Variants in ZBTB4 observed in about 807,000 individuals in gnomAD.
The protein encoded by ZBTB4 is zinc finger and BTB domain containing 4.
In ZBTB4, 14 loss-of-function variants were observed where a neutral mutation model predicts 59.8. The ratio of observed to expected loss-of-function variants is 0.23; its 90% CI spans 0.15 to 0.37. The LOEUF is 0.37. ZBTB4 is among the 10% of genes least tolerant of loss of function. The pLI is 1.00. For missense variants in ZBTB4, 1,198 were observed against 1,380.8 expected (o/e 0.87, Z 2.10); for synonymous variants, 587 against 575.2 (o/e 1.02, Z -0.29).
rs1055382964 is a variant in ZBTB4 at position 7,462,917 on chromosome 17, G to A, written c.2065C>T (p.Leu689=). The change falls in exon 4 of 4, where the codon CTG becomes TTG. Residue 689 remains leucine (L), a synonymous_variant. Coordinates refer to ENST00000380599, the MANE Select transcript of ZBTB4 (RefSeq NM_001128833.2). The surrounding 1 kb of genome is among the most constrained non-coding windows in gnomAD (Gnocchi z 7.5). ...AGGASVGGSG[L]PRGRRPPRWR... is the part of the protein sequence containing the mutation. ...CGTGGTGGCCGGCGGCCTCGGGGCA[G>A]CCCACTGCCCCCCACACTGGCACCT... 2 of 1,609,112 alleles carry A rather than the reference G, an allele frequency of 1.2e-6. No homozygotes were observed. The highest frequency in any genetic ancestry group is 1.7e-6 in the Non-Finnish European group (2 of 1,179,408).
At chr17:7,484,013 G>C (rs1280073815), upstream of ZBTB4, 1 of 136,550 alleles carries the variant, frequency 7.3e-6, no homozygotes, top group Non-Finnish European at 1.6e-5. Context: ...CCGATTCGCA[G>C]AGCAGACCAT....
rs1373625742 is a variant in ZBTB4 at position 7,462,733 on chromosome 17, C to T, written c.2249G>A (p.Gly750Glu). The change falls in exon 4 of 4, where the codon GGG becomes GAG. Residue 750 changes from glycine to glutamate, a missense_variant. Gly to Glu is a moderately conservative substitution (Grantham distance 98). Coordinates refer to ENST00000380599, the MANE Select transcript of ZBTB4 (RefSeq NM_001128833.2). This position sits in a 1 kb window ranked among gnomAD's most constrained non-coding sequence, Gnocchi z 7.5. The stretch of plus-strand genomic sequence containing the variant: ...TCCGGCCCGGGAGCTGTGGGAGCCC[C>T]CACCGTGGGCCTCTTGGTGCTTCCG... ...KLRKHQEAHG[G>E]GSHSSRAGRR... is the part of the protein sequence containing the mutation. 3.1e-6 allele frequency: 5 copies of T among 1,603,764 alleles called. No individual in the cohort carries two copies. Among genetic ancestry groups the T allele is most frequent in the Non-Finnish European group, 4.2e-6 (5 of 1,179,802 alleles).
chr17:7,482,706 T>C (rs771237611), upstream of ZBTB4: 1 of 1,611,912 alleles, frequency 6.2e-7, no homozygotes, highest in Non-Finnish European at 8.5e-7. Flanking sequence ...CTCTTTGTGC[T>C]GCAGCCCCCC....
chr17:7,473,850 C>G (rs1252867393), intron 1 of ZBTB4, among the ~76,000 whole-genome samples: 1 of 152,012 alleles, frequency 6.6e-6, no homozygotes, highest in Non-Finnish European at 1.5e-5. Flanking sequence ...GCGCCCAGCT[C>G]CTATTTCTTA....
chr17:7,481,018 G>C (rs544812262), upstream of ZBTB4, among the ~76,000 whole-genome samples: 134 of 152,240 alleles, frequency 8.8e-4, 1 homozygote, highest in Middle Eastern at 0.01. Context: ...AATTAGCGGG[G>C]TGTGGTGGCA....
intron 1 of ZBTB4, among the ~76,000 whole-genome samples, chr17:7,478,537 G>A (rs967726596): frequency 3.9e-5 from 6 of 151,906 alleles, no homozygotes; most frequent in Non-Finnish European, 7.4e-5. Flanking sequence ...GCCCACAACC[G>A]CCCCCTCCAA....
chr17:7,481,447 T>G (rs1465614704), upstream of ZBTB4: 1 of 1,407,980 alleles, frequency 7.1e-7, no homozygotes, highest in Non-Finnish European at 9.3e-7. Flanking sequence ...TCCAACCATG[T>G]CACAATGGCT....
chr17:7,482,230 T>G, upstream of ZBTB4: 1 of 1,613,986 alleles, frequency 6.2e-7, no homozygotes, highest in Non-Finnish European at 8.5e-7. Context: ...TCCACCTCCC[T>G]ATTGCCCTGC....
chr17:7,461,840 T>G lies in ZBTB4; in HGVS notation c.*100A>C. ...GGGCCCCCAAGTCCCTGCACAAGAG[T>G]GTGAAGGGGCTCCCAAGGGGCAGGG... is the stretch of plus-strand genomic sequence containing the variant. On this transcript the variant is annotated 3_prime_UTR_variant, in exon 4 of 4. Coordinates refer to ENST00000380599, the MANE Select transcript of ZBTB4 (RefSeq NM_001128833.2). The G allele has an allele frequency of 1.8e-6, 2 of 1,102,654 alleles. No individual in the cohort carries two copies. The highest frequency in any genetic ancestry group is 2.5e-5 in the Admixed American group (1 of 39,888). The allele number at this position is 1,102,654 out of a possible 1,614,324, so 68.3% of individuals were successfully genotyped here.
chr17:7,466,449 G>C lies in ZBTB4; in HGVS notation c.353C>G (p.Pro118Arg). 1 of 1,613,314 alleles carries C rather than the reference G, an allele frequency of 6.2e-7. No individual in the cohort carries two copies. The highest frequency in any genetic ancestry group is 1.1e-5 in the South Asian group (1 of 90,928). Reference protein sequence around the residue: ...SSSSPPPASPPASSPPRVLEL... With the variant: ...SSSSPPPASPRASSPPRVLEL... ...CAGGACCCGGGGTGGGGAAGAAGCA[G>C]GGGGAGAGGCTGGAGGGGGAGAGGA... The change falls in exon 3 of 4, where the codon CCT (proline) becomes CGT (arginine). Residue 118 changes from proline to arginine, a missense_variant. Pro to Arg is a moderately radical substitution (Grantham distance 103). Around this residue, in one of 9 missense-constraint regions of ZBTB4, gnomAD observed 83 missense variants for 76.5 expected, o/e 1.09. Transcript: ENST00000380599. This position sits in a 1 kb window ranked among gnomAD's most constrained non-coding sequence, Gnocchi z 9.1.
At chr17:7,465,229 C>T (rs1044322011) in intron 3 of ZBTB4, among the ~76,000 whole-genome samples, 25 of 150,452 alleles carry the variant, frequency 1.7e-4, no homozygotes, top group Non-Finnish European at 3.1e-4. Context: ...GAGGCCAAGG[C>T]GGGCAGATCA....
rs1467506583 is a variant in ZBTB4 at position 7,463,773 on chromosome 17, T to C, written c.1209A>G (p.Gly403=). 1.9e-6 allele frequency: 3 copies of C among 1,614,096 alleles called. No homozygotes were observed. Among genetic ancestry groups the C allele is most frequent in the East Asian group, 4.5e-5 (2 of 44,892 alleles). Residue 403 remains glycine, a synonymous_variant, in exon 4 of 4, where the codon GGA becomes GGG. Transcript: ENST00000380599. Reference sequence around the variant, plus strand: ...GTGTATTGAGCTTGGGCTTGTAGCCTCCATTGGGTGTCTTCTCACTGGCAA... The same window carrying C: ...GTGTATTGAGCTTGGGCTTGTAGCCCCCATTGGGTGTCTTCTCACTGGCAA... The part of the protein sequence containing the change: ...GLLASEKTPN[G]GYKPKLNTLK...
intron 3 of ZBTB4, 118 bp from the exon 4 acceptor site, chr17:7,464,008 T>A (rs900694222): frequency 2.0e-6 from 3 of 1,480,572 alleles, no homozygotes; most frequent in East Asian, 2.3e-5. Flanking sequence ...AGCCTTGTGC[T>A]GCCTCCCTCA....
At chr17:7,481,402 C>T (rs2070343430), upstream of ZBTB4, 1 of 1,344,286 alleles carries the variant, frequency 7.4e-7, no homozygotes, top group East Asian at 3.0e-5. Flanking sequence ...GTGCTACCAC[C>T]TCAGGAGAGT....
chr17:7,480,515 C>G (rs916594714), upstream of ZBTB4, among the ~76,000 whole-genome samples: 3 of 151,456 alleles, frequency 2.0e-5, no homozygotes, highest in Non-Finnish European at 2.9e-5. Context: ...GTCAGGAGAT[C>G]GAGACCATCC....
chr17:7,482,789 T>C (rs1249859785), upstream of ZBTB4: 1 of 1,612,034 alleles, frequency 6.2e-7, no homozygotes. Context: ...CTCCTTCACA[T>C]GTGTGAGCTA....
At chr17:7,483,692 T>A (rs1449151010), upstream of ZBTB4, among the ~76,000 whole-genome samples, 5 of 152,176 alleles carry the variant, frequency 3.3e-5, no homozygotes, top group African/African-American at 4.8e-5. Context: ...GCTAATCTGC[T>A]TTTCTCGGAT....
chr17:7,460,327 G>A lies in ZBTB4; in HGVS notation c.*1613C>T, dbSNP rs1376350263. 6.6e-6 allele frequency: 1 copy of A among 152,630 alleles called. No homozygotes were observed. Among genetic ancestry groups the A allele is most frequent in the Non-Finnish European group, 1.5e-5 (1 of 68,032 alleles). The allele number at this position is 152,630 out of a possible 1,614,324, so 9.5% of individuals were successfully genotyped here. ...TTTTGTATATGCTGGGAGGGTATGA[G>A]GGGTAGGAGGATGGTCCTGGCCCTC... On this transcript the variant is annotated 3_prime_UTR_variant, in exon 4 of 4. Coordinates refer to ENST00000380599, the MANE Select transcript of ZBTB4 (RefSeq NM_001128833.2).
chr17:7,474,254 C>T (rs941215972), intron 1 of ZBTB4, among the ~76,000 whole-genome samples: 4 of 113,520 alleles, frequency 3.5e-5, no homozygotes, highest in African/African-American at 6.7e-5. Flanking sequence ...CTTGCTTTGT[C>T]ACCCAGGCTG....
Sources: allele counts gnomAD v4.1 joint callset (sites outside exome capture counted in the v4.1 genomes callset), GRCh38; gene constraint gnomAD v4.1.1; regional missense constraint gnomAD v4.1.1; non-coding constraint Gnocchi (gnomAD v3.1); transcripts MANE v1.5; gene names NCBI Gene and HGNC (gene_info 2026-07-23, HGNC 2026-07-21).